Variants in CUEDC1 observed in about 807,000 individuals in gnomAD.
CUEDC1 encodes the protein CUE domain containing 1, also known as CUE domain-containing protein 1.
In CUEDC1, 30 loss-of-function variants were observed where a neutral mutation model predicts 43.7. That is an observed-to-expected ratio of 0.69 (90% CI 0.51 to 0.93). The LOEUF (loss-of-function observed/expected upper bound fraction) is 0.93, where lower values mean the gene tolerates loss of function less well. Among genes scored for constraint, CUEDC1 ranks in the 40% least tolerant of loss-of-function variants. The pLI is 0.00. For synonymous variants in CUEDC1, 223 were observed against 223.6 expected, an observed-to-expected ratio of 1.00 and a Z score of 0.02; for missense variants, 486 against 549.0, an observed-to-expected ratio of 0.89 and a Z score of 1.15.
At chr17:57,906,773 A>C (rs1336940926) in intron 1 of CUEDC1, among the ~76,000 whole-genome samples, 1 of 152,102 alleles carries the variant, frequency 6.6e-6, no homozygotes, top group East Asian at 1.9e-4. Flanking sequence ...GAGTTCCGAG[A>C]CCAGCCTGGC....
chr17:57,884,014 G>T (rs890908187), intron 2 of CUEDC1, among the ~76,000 whole-genome samples: 2 of 151,938 alleles, frequency 1.3e-5, no homozygotes, highest in Non-Finnish European at 2.9e-5. Flanking sequence ...CCAGCAGGTG[G>T]GTACTGATGC....
At chr17:57,883,947 T>TA (rs2074250745) in intron 2 of CUEDC1, among the ~76,000 whole-genome samples, 4 of 152,068 alleles carry the variant, frequency 2.6e-5, no homozygotes, top group Non-Finnish European at 5.9e-5. Flanking sequence ...GCTCTGCTGA[T>TA]ACTGGGTGGC....
At chr17:57,874,258 G>A (rs1431847485) in intron 3 of CUEDC1, among the ~76,000 whole-genome samples, 1 of 152,192 alleles carries the variant, frequency 6.6e-6, no homozygotes, top group Non-Finnish European at 1.5e-5. Context: ...ACCACCAGCC[G>A]GCAGGGTAGT....
chr17:57,887,846 T>C (rs2074312187), intron 1 of CUEDC1, among the ~76,000 whole-genome samples: 1 of 150,816 alleles, frequency 6.6e-6, no homozygotes, highest in Non-Finnish European at 1.5e-5. Flanking sequence ...GAAAATCTGT[T>C]CACACTTTAG....
At chr17:57,869,012 A>T in intron 7 of CUEDC1, 110 bp downstream of exon 7, 1 of 1,091,116 alleles carries the variant, frequency 9.2e-7, no homozygotes, top group South Asian at 1.4e-5. Context: ...TCACTGGTTC[A>T]CCAAGAGTCA....
intron 1 of CUEDC1, among the ~76,000 whole-genome samples, chr17:57,924,526 A>G (rs2074728034): frequency 6.6e-6 from 1 of 152,200 alleles, no homozygotes; most frequent in Non-Finnish European, 1.5e-5. Context: ...AGTGGTGTCT[A>G]TCCCGTGTGT....
intron 4 of CUEDC1, 21 bp from the exon 5 acceptor site, chr17:57,872,876 G>T (rs752280405): frequency 1.2e-6 from 2 of 1,604,510 alleles, no homozygotes; most frequent in Admixed American, 1.7e-5. Context: ...AAGCGAGCAT[G>T]TTGAATGTGT....
At chr17:57,942,899 G>A (rs577290647) in intron 1 of CUEDC1, among the ~76,000 whole-genome samples, 1 of 151,880 alleles carries the variant, frequency 6.6e-6, no homozygotes, top group Non-Finnish European at 1.5e-5. Context: ...GTGGTGGCAG[G>A]TGCCTGTAGT....
intron 6 of CUEDC1, among the ~76,000 whole-genome samples, chr17:57,869,500 C>T (rs1228072106): frequency 1.3e-5 from 2 of 152,196 alleles, no homozygotes. Context: ...ACCTTGGTAG[C>T]TTGGGAGTAT....
In CUEDC1 at chr17:57,921,510, G is replaced by A. The variant is rs138714273; in HGVS notation, c.-316+33715C>T. Among the ~76,000 whole-genome samples, 29 of 152,254 alleles carry A rather than the reference G, an allele frequency of 1.9e-4. No homozygotes were observed. The East Asian group carries it at 5.4e-3, about 28-fold the overall frequency. On this transcript the variant is annotated intron_variant, in intron 1 of 10. Transcript: ENST00000577830. The stretch of plus-strand genomic sequence containing the variant: ...CAGGCTGATTTTCAAATCCTTATTC[G>A]AACTTAGAAGTTAGGCTTGGACGTG...
At chr17:57,953,410 A>G (rs1375472909) in intron 1 of CUEDC1, among the ~76,000 whole-genome samples, 1 of 152,196 alleles carries the variant, frequency 6.6e-6, no homozygotes. Context: ...CATGGCCACA[A>G]GCCCAAAGTT....
At chr17:57,888,132 G>A (rs1017042002) in intron 1 of CUEDC1, among the ~76,000 whole-genome samples, 1 of 150,822 alleles carries the variant, frequency 6.6e-6, no homozygotes, top group Admixed American at 6.6e-5. Context: ...CAACCTCCTG[G>A]CCTCAAGTGA....
intron 1 of CUEDC1, among the ~76,000 whole-genome samples, chr17:57,908,229 G>C (rs1465351652): frequency 6.6e-6 from 1 of 152,164 alleles, no homozygotes; most frequent in African/African-American, 2.4e-5. Flanking sequence ...ACAAATTTTT[G>C]TATTTTTGGT....
intron 1 of CUEDC1, among the ~76,000 whole-genome samples, chr17:57,929,673 T>C (rs1027292478): frequency 3.3e-5 from 5 of 152,150 alleles, no homozygotes; most frequent in Non-Finnish European, 7.3e-5. Context: ...TCAGATACTT[T>C]GAGAAGCACT....
chr17:57,920,094 C>G (rs1349324180), intron 1 of CUEDC1, among the ~76,000 whole-genome samples: 1 of 152,186 alleles, frequency 6.6e-6, no homozygotes, highest in South Asian at 2.1e-4. Flanking sequence ...AGCTTAAAGA[C>G]TTGCTCAACT....
intron 2 of CUEDC1, among the ~76,000 whole-genome samples, chr17:57,881,578 C>T (rs1447013603): frequency 6.6e-6 from 1 of 152,196 alleles, no homozygotes; most frequent in Non-Finnish European, 1.5e-5. Flanking sequence ...TGGGCTGCAG[C>T]CTTGAGGCCA....
chr17:57,928,203 T>C (rs1248034184), intron 1 of CUEDC1, among the ~76,000 whole-genome samples: 8 of 152,020 alleles, frequency 5.3e-5, no homozygotes, highest in Admixed American at 5.2e-4. Flanking sequence ...TTGGGAGGGG[T>C]GTCAAAGTTC....
chr17:57,868,267 T>C lies in CUEDC1; in HGVS notation c.941-24A>G, dbSNP rs565458875. The C allele has an allele frequency of 3.8e-5, 61 of 1,602,022 alleles. No individual in the cohort carries two copies. In the East Asian group the frequency reaches 1.4e-3, roughly 36 times the overall value. On this transcript the variant is annotated intron_variant, in intron 7 of 10. Transcript: ENST00000577830. ...GGCTGGGGGCAGAGAGACCTGTGAG[T>C]CATTCTCTCAGCAGCCAGCACACCA...
chr17:57,910,420 T>A (rs559271465), intron 1 of CUEDC1, among the ~76,000 whole-genome samples: 5 of 152,160 alleles, frequency 3.3e-5, no homozygotes, highest in African/African-American at 1.2e-4. Flanking sequence ...ATATATGTTA[T>A]GTTTTCAACC....
Sources: gnomAD v4.1 joint callset for allele counts (sites outside exome capture counted in the v4.1 genomes callset) on GRCh38, gnomAD v4.1.1 for gene constraint, MANE v1.5 for transcripts, NCBI Gene and HGNC (gene_info 2026-07-23, HGNC 2026-07-21) for gene names.